CHD9: variants seen among roughly 807,000 people sequenced by gnomAD.
CHD9 encodes the protein chromodomain helicase DNA binding protein 9.
CHD9 carries 77 observed loss-of-function variants against 316.1 expected under a neutral mutation model. The observed-to-expected ratio is 0.24, with a 90% confidence interval of 0.20 to 0.29. The LOEUF (loss-of-function observed/expected upper bound fraction) is 0.29. CHD9 is among the 10% of genes least tolerant of loss of function. The pLI is 1.00. For missense variants in CHD9, 2,763 were observed against 3,438.1 expected, an observed-to-expected ratio of 0.80 and a Z score of 4.91; for synonymous variants, 1,129 against 1,158.3, an observed-to-expected ratio of 0.97 and a Z score of 0.51.
At chr16:53,105,509 TA>T (rs1331301519) in intron 1 of CHD9, among the ~76,000 whole-genome samples, 1 of 152,228 alleles carries the variant, frequency 6.6e-6, no homozygotes, top group Non-Finnish European at 1.5e-5. Flanking sequence ...GGGTATTCCA[TA>T]ATTTGGTCAA....
chr16:53,189,083 A>G (rs1461430936), intron 2 of CHD9, among the ~76,000 whole-genome samples: 1 of 151,918 alleles, frequency 6.6e-6, no homozygotes, highest in Non-Finnish European at 1.5e-5. Context: ...CATTTGAAAG[A>G]TCGTAGCTTC....
chr16:53,227,498 A>G, intron 6 of CHD9, 34 bp downstream of exon 6: 1 of 1,484,498 alleles, frequency 6.7e-7, no homozygotes, highest in Non-Finnish European at 9.2e-7. Context: ...TACACTTCAT[A>G]TTCTGTGGCC....
In CHD9 at chr16:53,291,735, C is replaced by T. The variant is rs2054357439; in HGVS notation, c.5258C>T (p.Ser1753Phe). The T allele has an allele frequency of 6.4e-7, 1 of 1,564,410 alleles. No homozygotes were observed. Among genetic ancestry groups the T allele is most frequent in the Non-Finnish European group, 8.6e-7 (1 of 1,161,734 alleles). Residue 1753 changes from serine to phenylalanine, a missense_variant, in exon 28 of 39, where the codon TCC (serine) becomes TTC (phenylalanine). This residue lies in a region of CHD9 where 183 missense variants were observed against 258.5 expected (regional missense o/e 0.71). Coordinates refer to ENST00000447540, the MANE Select transcript of CHD9 (RefSeq NM_001308319.2). ...IFKDDIEDDV[S>F]SPGDLVIADG... ...ATTTTCTTTTAAAAGGATGATGTTT[C>T]CTCACCAGGAGATCTTGTTATAGCA... is the stretch of plus-strand genomic sequence containing the variant.
chr16:53,319,005 ATCT>A (rs1343462081), intron 37 of CHD9, among the ~76,000 whole-genome samples: 1 of 152,232 alleles, frequency 6.6e-6, no homozygotes, highest in African/African-American at 2.4e-5. Context: ...TTTGTGGCTT[ATCT>A]TCTTTTACTG....
At chr16:53,211,603 T>C (rs1230323980) in intron 3 of CHD9, among the ~76,000 whole-genome samples, 1 of 152,150 alleles carries the variant, frequency 6.6e-6, no homozygotes, top group Admixed American at 6.5e-5. Flanking sequence ...AATATAGGCC[T>C]TTTTGATAGA....
chr16:53,123,786 G>A (rs2038851417), intron 1 of CHD9, among the ~76,000 whole-genome samples: 1 of 152,154 alleles, frequency 6.6e-6, no homozygotes, highest in Admixed American at 6.6e-5. Flanking sequence ...ACAGGCATGA[G>A]CCACCACGCC....
At chr16:53,203,144 T>A (rs2045598686) in intron 2 of CHD9, among the ~76,000 whole-genome samples, 1 of 152,208 alleles carries the variant, frequency 6.6e-6, no homozygotes, top group African/African-American at 2.4e-5. Context: ...TGATTTAATA[T>A]GAATATTTAA....
intron 34 of CHD9, among the ~76,000 whole-genome samples, chr16:53,310,224 A>G (rs2056345550): frequency 6.6e-6 from 1 of 152,228 alleles, no homozygotes. Context: ...TGAATCACCC[A>G]TGCTTCTATT....
chr16:53,218,127 A>G (rs998376066), intron 3 of CHD9, among the ~76,000 whole-genome samples: 1 of 152,106 alleles, frequency 6.6e-6, no homozygotes, highest in Non-Finnish European at 1.5e-5. Context: ...TTTTGGATTT[A>G]GAAGGTTTAG....
intron 1 of CHD9, among the ~76,000 whole-genome samples, chr16:53,056,647 G>A (rs1220419713): frequency 1.3e-5 from 2 of 152,240 alleles, no homozygotes; most frequent in African/African-American, 2.4e-5. Flanking sequence ...GGGCAGGCGC[G>A]TGGTGTGTCT....
intron 1 of CHD9, among the ~76,000 whole-genome samples, chr16:53,072,275 A>G (rs2034132292): frequency 7.0e-6 from 1 of 143,586 alleles, no homozygotes; most frequent in Non-Finnish European, 1.5e-5. Flanking sequence ...ACCAAAACTC[A>G]TTTTTCCATT....
chr16:53,119,963 C>T (rs1053531713), intron 1 of CHD9, among the ~76,000 whole-genome samples: 9 of 152,068 alleles, frequency 5.9e-5, no homozygotes, highest in African/African-American at 2.2e-4. Flanking sequence ...TAGTGGCTCA[C>T]ACCTATAATC....
chr16:53,188,525 CTTG>C (rs1267547224), intron 2 of CHD9, among the ~76,000 whole-genome samples: 1 of 133,738 alleles, frequency 7.5e-6, no homozygotes, highest in East Asian at 2.3e-4. Context: ...AAAGTAATGT[CTTG>C]TTGTGGTTTT....
chr16:53,315,113 A>G lies in CHD9; in HGVS notation c.7584+69A>G, dbSNP rs568282142. 180 of 1,117,340 alleles carry G rather than the reference A, an allele frequency of 1.6e-4. No individual in the cohort carries two copies. The African/African-American group carries it at 2.5e-3, about 16-fold the overall frequency. The allele number at this position is 1,117,340 out of a possible 1,614,324, so 69.2% of individuals were successfully genotyped here. A position where few individuals can be genotyped will look rare whatever the true frequency, so the allele number is the denominator to read the frequency against. ...GTTGTCAGATCTATCATGATGAAGC[A>G]TAAATTCTCATCCACTTATGCTAAA... On this transcript the variant is annotated intron_variant, in intron 36 of 38. Transcript: ENST00000447540.
At chr16:53,183,474 A>T (rs991661451) in intron 2 of CHD9, among the ~76,000 whole-genome samples, 2 of 152,222 alleles carry the variant, frequency 1.3e-5, no homozygotes, top group African/African-American at 4.8e-5. Flanking sequence ...AAAGACAGAG[A>T]TTTGAAGCAA....
At chr16:53,178,751 C>T (rs1246209523) in intron 2 of CHD9, among the ~76,000 whole-genome samples, 1 of 152,130 alleles carries the variant, frequency 6.6e-6, no homozygotes, top group Non-Finnish European at 1.5e-5. Context: ...ACATGAGCCA[C>T]CTCACCTGGC....
chr16:53,118,081 C>A (rs8053609), intron 1 of CHD9, among the ~76,000 whole-genome samples: 1 of 152,266 alleles, frequency 6.6e-6, no homozygotes, highest in Admixed American at 6.5e-5. Context: ...CCCGCCTCGG[C>A]CTCCCAAAGT....
intron 10 of CHD9, 48 bp from the exon 11 acceptor site, chr16:53,235,137 G>T (rs1418129151): frequency 6.7e-7 from 1 of 1,501,936 alleles, no homozygotes; most frequent in Non-Finnish European, 9.0e-7. Context: ...CCTTCAGTAT[G>T]ATATATGGAA....
At chr16:53,147,775 A>G (rs2040749908) in intron 1 of CHD9, among the ~76,000 whole-genome samples, 1 of 152,174 alleles carries the variant, frequency 6.6e-6, no homozygotes, top group African/African-American at 2.4e-5. Context: ...TCTATTGTGA[A>G]TAATGCTGCT....
Sources: allele counts gnomAD v4.1 joint callset (sites outside exome capture counted in the v4.1 genomes callset), GRCh38; gene constraint gnomAD v4.1.1; regional missense constraint gnomAD v4.1.1; transcripts MANE v1.5; gene names NCBI Gene and HGNC (gene_info 2026-07-23, HGNC 2026-07-21).